The following IGSF11 variants were observed in gnomAD, a reference collection of about 807,000 sequenced individuals.
IGSF11 encodes immunoglobulin superfamily member 11.
A neutral mutation model predicts 41.0 loss-of-function variants in IGSF11; 22 were observed. That is an observed-to-expected ratio of 0.54 (90% CI 0.38 to 0.77). IGSF11 has a LOEUF of 0.77. Among genes scored for constraint, IGSF11 ranks in the 30% least tolerant of loss-of-function variants. IGSF11 has a pLI of 0.00. For synonymous variants in IGSF11, 219 were observed against 201.3 expected (o/e 1.09, Z -0.74); for missense variants, 444 against 530.8 (o/e 0.84, Z 1.61).
intron 1 of IGSF11, among the ~76,000 whole-genome samples, chr3:119,078,234 C>T (rs1451550269): frequency 6.6e-6 from 1 of 151,812 alleles, no homozygotes; most frequent in Non-Finnish European, 1.5e-5. Flanking sequence ...AAGAACAAAC[C>T]CAGAGGCATC....
intron 1 of IGSF11, among the ~76,000 whole-genome samples, chr3:119,024,383 A>G (rs188055726): frequency 6.6e-6 from 1 of 152,320 alleles, no homozygotes; most frequent in African/African-American, 2.4e-5. Context: ...TTTCAGGAAA[A>G]ATTTAATGAC....
At chr3:118,940,360 T>C (rs1371033016) in intron 1 of IGSF11, among the ~76,000 whole-genome samples, 1 of 152,114 alleles carries the variant, frequency 6.6e-6, no homozygotes, top group Non-Finnish European at 1.5e-5. Context: ...AATATACAAA[T>C]AGCAACGATT....
At chr3:118,966,649 C>T (rs1945697644) in intron 1 of IGSF11, among the ~76,000 whole-genome samples, 1 of 152,104 alleles carries the variant, frequency 6.6e-6, no homozygotes, top group South Asian at 2.1e-4. Flanking sequence ...CGGGTTAGCA[C>T]AAAGGCAACA....
chr3:119,044,398 C>T (rs1941238052), intron 1 of IGSF11, among the ~76,000 whole-genome samples: 1 of 151,756 alleles, frequency 6.6e-6, no homozygotes, highest in Non-Finnish European at 1.5e-5. Flanking sequence ...ACAAAGCCTC[C>T]AAGAAATTTG....
chr3:118,911,179 A>G (rs1319893016), intron 4 of IGSF11, among the ~76,000 whole-genome samples: 1 of 152,136 alleles, frequency 6.6e-6, no homozygotes, highest in Non-Finnish European at 1.5e-5. Context: ...TAATACAGTT[A>G]TAACTGTTGA....
intron 1 of IGSF11, among the ~76,000 whole-genome samples, chr3:119,022,619 C>T (rs549812001): frequency 1.3e-5 from 2 of 152,192 alleles, no homozygotes; most frequent in African/African-American, 4.8e-5. Flanking sequence ...GGAAAAGGTG[C>T]GTAACCTCAT....
chr3:118,988,831 T>A (rs1411098117), intron 1 of IGSF11, among the ~76,000 whole-genome samples: 4 of 152,228 alleles, frequency 2.6e-5, no homozygotes, highest in Non-Finnish European at 4.4e-5. Flanking sequence ...TGGAAATGTC[T>A]CCTTCCTGAA....
intron 1 of IGSF11, among the ~76,000 whole-genome samples, chr3:119,057,182 T>C (rs991646940): frequency 1.6e-4 from 24 of 152,178 alleles, no homozygotes; most frequent in Non-Finnish European, 3.1e-4. Context: ...GAAGTCAAAT[T>C]GTCCCTGTTT....
At chr3:118,910,984 T>C (rs1206200581) in intron 4 of IGSF11, among the ~76,000 whole-genome samples, 1 of 152,140 alleles carries the variant, frequency 6.6e-6, no homozygotes, top group Non-Finnish European at 1.5e-5. Flanking sequence ...TGTAGTGCTA[T>C]GATTTTCTCT....
chr3:119,041,917 C>G (rs1044627483), intron 1 of IGSF11, among the ~76,000 whole-genome samples: 1 of 152,124 alleles, frequency 6.6e-6, no homozygotes, highest in Non-Finnish European at 1.5e-5. Context: ...AAATGAAACA[C>G]TCCACTCATT....
chr3:119,096,800 G>A (rs1044667532), intron 1 of IGSF11, among the ~76,000 whole-genome samples: 3 of 152,156 alleles, frequency 2.0e-5, no homozygotes, highest in African/African-American at 7.2e-5. Context: ...CTCTCTTGCA[G>A]GCCCAATTTC....
rs201463669 is a variant in IGSF11, at chr3:119,115,850, A to AT, written c.-13-10646dup. Among the ~76,000 whole-genome samples, 1,221 of 152,362 alleles carry AT rather than the reference A, an allele frequency of 8.0e-3. 13 individuals carry two copies. The highest frequency in any genetic ancestry group is 0.027 in the African/African-American group (1,136 of 41,588). Reference sequence around the variant, plus strand: ...GTGATAAAAAAATTAGTGGTTTACCATTTGGTGTCTGCTGATTCCCTCAAA... The same window carrying AT: ...GTGATAAAAAAATTAGTGGTTTACCATTTTGGTGTCTGCTGATTCCCTCAAA... On this transcript the variant is annotated intron_variant, in intron 1 of 7. Transcript: ENST00000425327.
intron 1 of IGSF11, among the ~76,000 whole-genome samples, chr3:118,979,967 T>A (rs1440519287): frequency 1.3e-5 from 2 of 152,132 alleles, no homozygotes; most frequent in African/African-American, 4.8e-5. Context: ...TGAAGTATCA[T>A]CTTACTCCAG....
chr3:119,010,882 A>G (rs1938038975), intron 1 of IGSF11, among the ~76,000 whole-genome samples: 1 of 152,222 alleles, frequency 6.6e-6, no homozygotes, highest in African/African-American at 2.4e-5. Flanking sequence ...GGCAGCCAAA[A>G]CAGGACATCT....
intron 1 of IGSF11, among the ~76,000 whole-genome samples, chr3:118,974,866 T>C (rs554990228): frequency 3.5e-4 from 53 of 152,210 alleles, no homozygotes; most frequent in African/African-American, 1.1e-3. Context: ...AAAATATATT[T>C]GTCAAAACAC....
Position 119,034,562 on chromosome 3 carries a change from A to T in IGSF11, c.21T>A (p.Pro7=). ...GAGAGAGGAGCAGCAAAGGCGCCAG[A>T]GGGGAACGCTGAGAAGTCATCCCGG... MTSQRS[P]LAPLLLLSLH... The change falls in exon 1 of 7, where the codon CCT becomes CCA. Residue 7 remains proline, a synonymous_variant. Coordinates refer to ENST00000393775, the MANE Select transcript of IGSF11 (RefSeq NM_001015887.3). 6.3e-7 allele frequency: 1 copy of T among 1,592,712 alleles called. No homozygotes were observed. The highest frequency in any genetic ancestry group is 8.5e-7 in the Non-Finnish European group (1 of 1,170,570).
intron 1 of IGSF11, among the ~76,000 whole-genome samples, chr3:119,077,806 G>C (rs902203808): frequency 8.5e-5 from 13 of 152,258 alleles, no homozygotes; most frequent in Middle Eastern, 3.4e-3. Context: ...AAGGCTCCTG[G>C]ATTTTATAAA....
rs1377942038 is a variant in IGSF11 at position 118,930,401 on chromosome 3, G to C, written c.53-126C>G. Reference sequence around the variant, plus strand: ...ATTATGTGAACAGACTGACATGATAGTCTTAACAACTGCTGACCAGTCACT... The same window carrying C: ...ATTATGTGAACAGACTGACATGATACTCTTAACAACTGCTGACCAGTCACT... On this transcript the variant is annotated intron_variant, in intron 1 of 6. Transcript: ENST00000393775. 8 of 896,960 alleles carry C rather than the reference G, an allele frequency of 8.9e-6. No homozygotes were observed. The East Asian group carries it at 2.3e-4, about 26-fold the overall frequency. 55.6% of individuals were successfully genotyped at this position (896,960 alleles called of 1,614,324 possible). A position where few individuals can be genotyped will look rare whatever the true frequency, so the allele number is the denominator to read the frequency against.
At chr3:118,947,018 C>G (rs1478256082) in intron 1 of IGSF11, 1 of 152,156 alleles carries the variant, frequency 6.6e-6, no homozygotes, top group African/African-American at 2.4e-5. Flanking sequence ...TAAAATTATT[C>G]TCTTTTCTCT....
Sources: gnomAD v4.1 joint callset for allele counts (sites outside exome capture counted in the v4.1 genomes callset) on GRCh38, gnomAD v4.1.1 for gene constraint, MANE v1.5 for transcripts, NCBI Gene and HGNC (gene_info 2026-07-23, HGNC 2026-07-21) for gene names.